TIAM2: variants seen among roughly 807,000 people sequenced by gnomAD.
TIAM2 encodes the protein TIAM Rac1 associated GEF 2.
In TIAM2, 80 loss-of-function variants were observed where a neutral mutation model predicts 152.9. The observed-to-expected ratio is 0.52, with a 90% confidence interval of 0.44 to 0.63. The LOEUF (loss-of-function observed/expected upper bound fraction) is 0.63, where lower values mean the gene tolerates loss of function less well. Among genes scored for constraint, TIAM2 ranks in the 30% least tolerant of loss-of-function variants. The pLI, the probability that TIAM2 is intolerant of heterozygous loss-of-function variation, is 0.00. For synonymous variants in TIAM2, 804 were observed against 838.0 expected (o/e 0.96, Z 0.70); for missense variants, 1,965 against 2,120.1 (o/e 0.93, Z 1.44).
At chr6:155,207,973 T>C (rs1781633115) in intron 14 of TIAM2, among the ~76,000 whole-genome samples, 1 of 152,096 alleles carries the variant, frequency 6.6e-6, no homozygotes, top group Non-Finnish European at 1.5e-5. Flanking sequence ...CATGCTATAT[T>C]TTCACTAGCA....
At chr6:155,053,172 A>T (rs1777357965) in intron 1 of TIAM2, among the ~76,000 whole-genome samples, 1 of 152,256 alleles carries the variant, frequency 6.6e-6, no homozygotes, top group Admixed American at 6.5e-5. Context: ...GAAAGTTTAG[A>T]TAGTAAGAAT....
intron 2 of TIAM2, among the ~76,000 whole-genome samples, chr6:155,118,249 C>T (rs546928469): frequency 6.6e-6 from 1 of 152,190 alleles, no homozygotes; most frequent in South Asian, 2.1e-4. Context: ...GGGACCTGCA[C>T]CCCCTTCACA....
At chr6:155,018,177 A>G (rs1391891139) in intron 1 of TIAM2, among the ~76,000 whole-genome samples, 1 of 151,500 alleles carries the variant, frequency 6.6e-6, no homozygotes, top group Non-Finnish European at 1.5e-5. Flanking sequence ...GTTCAAGGCT[A>G]TAGTGAGCTG....
At chr6:155,065,575 C>T (rs572475690) in intron 1 of TIAM2, among the ~76,000 whole-genome samples, 5 of 151,952 alleles carry the variant, frequency 3.3e-5, no homozygotes, top group African/African-American at 7.2e-5. Flanking sequence ...CTCAGGAGTT[C>T]GAGACCAGCC....
Position 155,129,495 on chromosome 6 carries a change from A to G in TIAM2, c.272A>G (p.Tyr91Cys), listed in dbSNP as rs762436690. ...PTCKVSRGVA[Y>C]STHRTNAPGK... is the part of the protein sequence containing the mutation. ...TGCAAGGTCTCCAGAGGTGTTGCCT[A>G]CTCCACGCACAGGACAAATGCCCCA... Residue 91 changes from tyrosine (Y) to cysteine (C), a missense_variant, in exon 4 of 27, where the codon TAC becomes TGC. Coordinates refer to ENST00000682666, the MANE Select transcript of TIAM2 (RefSeq NM_012454.4). This position sits in a 1 kb window ranked among gnomAD's most constrained non-coding sequence, Gnocchi z 4.8. The G allele has an allele frequency of 6.2e-7, 1 of 1,613,912 alleles. No homozygotes were observed.
At chr6:155,102,698 T>A (rs1024789518) in intron 2 of TIAM2, among the ~76,000 whole-genome samples, 1 of 152,104 alleles carries the variant, frequency 6.6e-6, no homozygotes, top group African/African-American at 2.4e-5. Flanking sequence ...ACAGTCAGGT[T>A]TGCAACAATT....
intron 1 of TIAM2, among the ~76,000 whole-genome samples, chr6:155,042,063 G>A (rs1777058402): frequency 1.3e-5 from 2 of 151,646 alleles, no homozygotes; most frequent in Non-Finnish European, 2.9e-5. Flanking sequence ...GTTCTTTATG[G>A]GAGAGGAAAG....
intron 10 of TIAM2, among the ~76,000 whole-genome samples, chr6:155,177,957 C>G (rs1226540857): frequency 6.6e-6 from 1 of 151,884 alleles, no homozygotes; most frequent in African/African-American, 2.4e-5. Flanking sequence ...GTCAGGAGAT[C>G]GAGACCATCC....
At chr6:155,151,610 G>A (rs1779971598) in intron 7 of TIAM2, among the ~76,000 whole-genome samples, 2 of 152,104 alleles carry the variant, frequency 1.3e-5, no homozygotes, top group African/African-American at 4.8e-5. Context: ...GGGGGATACA[G>A]GTTTTTAAGC....
At chr6:155,011,407 C>T (rs570920530) in intron 1 of TIAM2, among the ~76,000 whole-genome samples, 8 of 27,214 alleles carry the variant, frequency 2.9e-4, no homozygotes, top group African/African-American at 1.4e-3. Context: ...GTATTGAGAT[C>T]CTGTGGCTTC....
rs1351460410 is a variant in TIAM2 at position 155,214,834 on chromosome 6, TCTCA to T, written c.3168+3530_3168+3533del. Among the ~76,000 whole-genome samples, 1 of 152,204 alleles carries T rather than the reference TCTCA, an allele frequency of 6.6e-6. No homozygotes were observed. The highest frequency in any genetic ancestry group is 1.9e-4 in the East Asian group (1 of 5,206). ...TTTTAATAATACAATAGATATGGGG[TCTCA>T]CTATGTTGCTGAGGCTGGTCTCAAA... On this transcript the variant is annotated intron_variant, in intron 15 of 26. Transcript: ENST00000682666. The surrounding 1 kb of genome is among the most constrained non-coding windows in gnomAD (Gnocchi z 5.4).
At chr6:155,080,379 A>T (rs1393975782) in intron 1 of TIAM2, among the ~76,000 whole-genome samples, 1 of 151,942 alleles carries the variant, frequency 6.6e-6, no homozygotes, top group Non-Finnish European at 1.5e-5. Context: ...ATATAACCAC[A>T]GCTTTTCTTG....
chr6:155,180,904 C>T (rs113866338), intron 12 of TIAM2, among the ~76,000 whole-genome samples: 3,025 of 152,276 alleles, frequency 0.02, 97 homozygotes, highest in African/African-American at 0.069. Context: ...CCACTGTGCC[C>T]GGACCCCATG....
chr6:155,016,991 G>A lies in TIAM2; in HGVS notation c.-209+21499G>A, dbSNP rs969819126. 7.9e-5 allele frequency among the ~76,000 whole-genome samples: 12 copies of A among 152,234 alleles called. No homozygotes were observed. The South Asian group carries it at 2.3e-3, about 29-fold the overall frequency. On this transcript the variant is annotated intron_variant, in intron 1 of 26. Coordinates refer to ENST00000682666, the MANE Select transcript of TIAM2 (RefSeq NM_012454.4). The stretch of plus-strand genomic sequence containing the variant: ...CATGAAGGGGCCTTGGAGTGGCTTC[G>A]GATACTTGAGTACATTCAAAAAGTT...
intron 1 of TIAM2, among the ~76,000 whole-genome samples, chr6:155,058,243 G>A (rs1448860510): frequency 1.3e-5 from 2 of 152,176 alleles, no homozygotes; most frequent in African/African-American, 4.8e-5. Flanking sequence ...GTATTTTAAT[G>A]TGTATTTCCT....
chr6:155,030,599 A>G (rs1308071967), intron 1 of TIAM2, among the ~76,000 whole-genome samples: 1 of 152,110 alleles, frequency 6.6e-6, no homozygotes, highest in African/African-American at 2.4e-5. Context: ...TCTGTGGGGA[A>G]TGCTTGCCAA....
intron 5 of TIAM2, among the ~76,000 whole-genome samples, chr6:155,143,050 C>A (rs1399743648): frequency 1.3e-5 from 2 of 152,102 alleles, no homozygotes; most frequent in African/African-American, 4.8e-5. Context: ...TGAAGTGGGC[C>A]CCAGGCATTT....
intron 6 of TIAM2, among the ~76,000 whole-genome samples, 170 bp from the exon 7 acceptor site, chr6:155,147,940 G>T (rs1397816794): frequency 6.6e-6 from 1 of 152,176 alleles, no homozygotes; most frequent in African/African-American, 2.4e-5. Flanking sequence ...AATGTTCTCT[G>T]AGTCCCTCTG....
chr6:155,142,048 T>G (rs1007864060), intron 5 of TIAM2, among the ~76,000 whole-genome samples: 2 of 151,524 alleles, frequency 1.3e-5, no homozygotes, highest in Middle Eastern at 6.4e-3. Context: ...AGCACCGGGG[T>G]GAACGGCAAG....
Sources: allele counts gnomAD v4.1 joint callset (sites outside exome capture counted in the v4.1 genomes callset), GRCh38; gene constraint gnomAD v4.1.1; non-coding constraint Gnocchi (gnomAD v3.1); transcripts MANE v1.5; gene names NCBI Gene and HGNC (gene_info 2026-07-23, HGNC 2026-07-21).